Variants in MYO3B observed in about 807,000 individuals in gnomAD.
The protein encoded by MYO3B is myosin IIIB, also known as myosin-IIIb.
In MYO3B, 156 loss-of-function variants were observed where a neutral mutation model predicts 174.6. The observed-to-expected ratio is 0.89, with a 90% confidence interval of 0.78 to 1.02. The LOEUF is 1.02. Among genes scored for constraint, MYO3B ranks in the 50% least tolerant of loss-of-function variants. MYO3B has a pLI of 0.00. For missense variants in MYO3B, 1,632 were observed against 1,639.4 expected, an observed-to-expected ratio of 1.00 and a Z score of 0.08; for synonymous variants, 563 against 569.1, an observed-to-expected ratio of 0.99 and a Z score of 0.15.
At chr2:170,178,398 A>C (rs1376896641) in intron 1 of MYO3B, 109 bp downstream of exon 1, 362 of 1,372,232 alleles carry the variant, frequency 2.6e-4, no homozygotes, top group Middle Eastern at 1.8e-4. Context: ...GAGGGGGATG[A>C]CAGCCACTCT....
At chr2:170,341,904 C>A (rs7560850) in intron 8 of MYO3B, among the ~76,000 whole-genome samples, 1 of 152,106 alleles carries the variant, frequency 6.6e-6, no homozygotes. Flanking sequence ...TATAAAGTCA[C>A]CTGATAAAAT....
At chr2:170,638,189 C>A (rs1215461605) in intron 32 of MYO3B, among the ~76,000 whole-genome samples, 1 of 151,594 alleles carries the variant, frequency 6.6e-6, no homozygotes, top group Non-Finnish European at 1.5e-5. Context: ...ACTGCCCTCT[C>A]TATGTGTAAA....
intron 9 of MYO3B, among the ~76,000 whole-genome samples, chr2:170,379,551 G>A (rs1296810630): frequency 6.6e-6 from 1 of 152,118 alleles, no homozygotes; most frequent in African/African-American, 2.4e-5. Context: ...ATGTGAAGGG[G>A]ATTTTGATCG....
At position 170,194,771 on chromosome 2, in the gene MYO3B, G is replaced by A. The variant is rs118011754; in HGVS notation, c.3-4437G>A. ...AAGCCATCTGCAAGTTGAGGAGCAA[G>A]GAAGTCAGTGGTAGATCAGTCCAAG... On this transcript the variant is annotated intron_variant, in intron 1 of 34. Coordinates refer to ENST00000408978, the MANE Select transcript of MYO3B (RefSeq NM_138995.5). Among the ~76,000 whole-genome samples, 547 of 152,258 alleles carry A rather than the reference G, an allele frequency of 3.6e-3. 9 individuals carry two copies. The East Asian group carries it at 0.048, about 13-fold the overall frequency.
In MYO3B at chr2:170,369,435, G is replaced by T. The variant is rs749147463; in HGVS notation, c.971+58G>T. On this transcript the variant is annotated intron_variant, in intron 9 of 34. Transcript: ENST00000408978. ...GTTGTTTATAAAAATGTCATGTCAT[G>T]TGTTTTGATTTGCCCAGCATTATTA... 4 of 1,557,864 alleles carry T rather than the reference G, an allele frequency of 2.6e-6. No homozygotes were observed. The African/African-American group carries it at 5.5e-5, about 21-fold the overall frequency.
chr2:170,195,673 G>C (rs2098802), intron 1 of MYO3B, among the ~76,000 whole-genome samples: 55,241 of 152,000 alleles, frequency 0.36, 10,179 homozygotes, highest in African/African-American at 0.39. Flanking sequence ...TGCCCACTTG[G>C]GCTTTGGGAG....
chr2:170,180,943 C>G (rs1273188200), intron 1 of MYO3B, among the ~76,000 whole-genome samples: 1 of 151,984 alleles, frequency 6.6e-6, no homozygotes, highest in Non-Finnish European at 1.5e-5. Context: ...GAAAATTTAC[C>G]TTTTTTCTTT....
At position 170,498,645 on chromosome 2, in the gene MYO3B, G is replaced by T; in HGVS notation, c.3068G>T (p.Ser1023Ile). ...CAAACACCTCTTGCTAGCAAAGAGA[G>T]CTGTGTGGCTATCTTGGAAAAGTCC... The part of the protein sequence containing the change: ...AHQTPLASKE[S>I]CVAILEKSRL... The change falls in exon 26 of 35, where the codon AGC becomes ATC. Residue 1023 changes from serine (S) to isoleucine (I), a missense_variant. Transcript: ENST00000408978. The T allele has an allele frequency of 6.2e-7, 1 of 1,614,128 alleles. No individual in the cohort carries two copies. The highest frequency in any genetic ancestry group is 2.2e-5 in the East Asian group (1 of 44,874).
intron 8 of MYO3B, among the ~76,000 whole-genome samples, chr2:170,362,700 T>C (rs2094170741): frequency 6.6e-6 from 1 of 152,180 alleles, no homozygotes; most frequent in Non-Finnish European, 1.5e-5. Context: ...CCACCCCAAA[T>C]GTGAAGTTAG....
chr2:170,274,402 T>G (rs151325393), intron 7 of MYO3B, among the ~76,000 whole-genome samples: 47 of 152,292 alleles, frequency 3.1e-4, no homozygotes, highest in African/African-American at 1.1e-3. Flanking sequence ...TGAAGCAGGT[T>G]TCTTTTCAGT....
At chr2:170,552,413 C>T (rs1690982795) in intron 32 of MYO3B, among the ~76,000 whole-genome samples, 1 of 152,114 alleles carries the variant, frequency 6.6e-6, no homozygotes, top group South Asian at 2.1e-4. Flanking sequence ...CTATGCTTAT[C>T]AAAGAGACTG....
intron 7 of MYO3B, 140 bp downstream of exon 7, chr2:170,236,276 A>C: frequency 1.3e-4 from 77 of 602,820 alleles, no homozygotes; most frequent in East Asian, 3.2e-4. Context: ...TGAAAAAGCA[A>C]GGGGGGCTGG....
At chr2:170,492,142 TC>T (rs1221165786) in intron 25 of MYO3B, among the ~76,000 whole-genome samples, 2 of 152,180 alleles carry the variant, frequency 1.3e-5, no homozygotes, top group Non-Finnish European at 2.9e-5. Context: ...GTGAGATCCT[TC>T]TAAGTACTCT....
chr2:170,352,316 C>T (rs2094079896), intron 8 of MYO3B, among the ~76,000 whole-genome samples: 1 of 152,122 alleles, frequency 6.6e-6, no homozygotes, highest in Non-Finnish European at 1.5e-5. Flanking sequence ...GACAGTTAAG[C>T]AAACATGTTA....
chr2:170,611,884 C>T (rs1391741007), intron 32 of MYO3B, among the ~76,000 whole-genome samples: 1 of 152,128 alleles, frequency 6.6e-6, no homozygotes, highest in African/African-American at 2.4e-5. Context: ...GACCTACATC[C>T]AAATGTAGGA....
intron 30 of MYO3B, among the ~76,000 whole-genome samples, chr2:170,537,105 G>A (rs1005559797): frequency 2.0e-5 from 3 of 151,386 alleles, no homozygotes; most frequent in African/African-American, 7.3e-5. Context: ...GGAGGCTGAG[G>A]CAGGAGAATC....
Position 170,543,910 on chromosome 2 carries a change from G to T in MYO3B, c.3655G>T (p.Asp1219Tyr). Residue 1219 changes from aspartate to tyrosine, a missense_variant, in exon 32 of 35, where the codon GAT (aspartate) becomes TAT (tyrosine). Physicochemically the swap from Asp to Tyr is radical, Grantham distance 160. Transcript: ENST00000408978. ...TCTGAAGCACTCGGTTTCTGGGACTGATTTGCTGTCTTCTCGGATATGCCA... is the reference window on the plus strand; with the variant it reads ...TCTGAAGCACTCGGTTTCTGGGACTTATTTGCTGTCTTCTCGGATATGCCA... ...HANKHSVSGT[D>Y]LLSSRICHPA... 6.2e-7 allele frequency: 1 copy of T among 1,613,040 alleles called. No homozygotes were observed. Among genetic ancestry groups the T allele is most frequent in the South Asian group, 1.1e-5 (1 of 91,000 alleles).
intron 23 of MYO3B, among the ~76,000 whole-genome samples, chr2:170,459,997 G>A (rs187658703): frequency 6.6e-6 from 1 of 152,018 alleles, no homozygotes; most frequent in Non-Finnish European, 1.5e-5. Flanking sequence ...TTCCCAGCCC[G>A]TACCTCTCCC....
At chr2:170,589,259 G>C (rs965710328) in intron 32 of MYO3B, among the ~76,000 whole-genome samples, 3 of 152,150 alleles carry the variant, frequency 2.0e-5, no homozygotes, top group Non-Finnish European at 2.9e-5. Context: ...TGTATTATCT[G>C]CTTACAAGAA....
Sources: gnomAD v4.1 joint callset for allele counts (sites outside exome capture counted in the v4.1 genomes callset) on GRCh38, gnomAD v4.1.1 for gene constraint, MANE v1.5 for transcripts, NCBI Gene and HGNC (gene_info 2026-07-23, HGNC 2026-07-21) for gene names.